DNAH6: variants seen among roughly 807,000 people sequenced by gnomAD.
DNAH6 encodes axonemal beta dynein heavy chain 6.
In DNAH6, 340 loss-of-function variants were observed where a neutral mutation model predicts 491.4. That is an observed-to-expected ratio of 0.69 (90% CI 0.63 to 0.76). The LOEUF (loss-of-function observed/expected upper bound fraction) is 0.76, where lower values mean the gene tolerates loss of function less well. Among genes scored for constraint, DNAH6 ranks in the 30% least tolerant of loss-of-function variants. The pLI is 0.00. For synonymous variants in DNAH6, 1,603 were observed against 1,686.1 expected, an observed-to-expected ratio of 0.95 and a Z score of 1.21; for missense variants, 4,443 against 4,972.2, an observed-to-expected ratio of 0.89 and a Z score of 3.20.
chr2:84,609,514 G>A (rs79240316), intron 21 of DNAH6, among the ~76,000 whole-genome samples: 1,717 of 152,046 alleles, frequency 0.011, 32 homozygotes, highest in African/African-American at 0.04. Flanking sequence ...AAATGAGATG[G>A]GGAACAGGGG....
At chr2:84,688,347 T>C in intron 44 of DNAH6, 92 bp from the exon 45 acceptor site, 1 of 1,084,866 alleles carries the variant, frequency 9.2e-7, no homozygotes. Context: ...AAAATTCCAG[T>C]GTAGCTCTTG....
At chr2:84,632,436 T>C (rs1337522059) in intron 29 of DNAH6, among the ~76,000 whole-genome samples, 1 of 152,120 alleles carries the variant, frequency 6.6e-6, no homozygotes, top group Non-Finnish European at 1.5e-5. Context: ...CAAACGGAAA[T>C]GAAGAACCAC....
intron 18 of DNAH6, among the ~76,000 whole-genome samples, chr2:84,603,383 G>T (rs1422462568): frequency 1.3e-5 from 2 of 152,004 alleles, no homozygotes; most frequent in African/African-American, 4.8e-5. Context: ...ATTTCGGGTG[G>T]GGCTGGTTTA....
At chr2:84,617,026 C>T (rs762885428) in intron 23 of DNAH6, 44 bp downstream of exon 23, 1 of 1,076,862 alleles carries the variant, frequency 9.3e-7, no homozygotes, top group South Asian at 1.7e-5. Context: ...GTAGTTATGA[C>T]TGTCAATCAA....
chr2:84,784,933 G>A (rs112579160), intron 66 of DNAH6, 123 bp downstream of exon 66: 5 of 660,182 alleles, frequency 7.6e-6, no homozygotes, highest in African/African-American at 1.8e-5. Context: ...AGCATGGGGA[G>A]GTGAAGTCAG....
At chr2:84,679,840 T>A (rs918153931) in intron 41 of DNAH6, among the ~76,000 whole-genome samples, 3 of 152,260 alleles carry the variant, frequency 2.0e-5, no homozygotes, top group Admixed American at 6.5e-5. Flanking sequence ...TGGACACAGA[T>A]AATGAAGAGA....
At chr2:84,613,887 T>C (rs1047834397) in intron 22 of DNAH6, among the ~76,000 whole-genome samples, 36 of 152,270 alleles carry the variant, frequency 2.4e-4, no homozygotes, top group African/African-American at 7.5e-4. Context: ...AGCATTCCTT[T>C]ATCAAATAAT....
chr2:84,611,601 C>G (rs959571682), intron 21 of DNAH6, 73 bp from the exon 22 acceptor site: 6 of 1,294,136 alleles, frequency 4.6e-6, no homozygotes, highest in Non-Finnish European at 6.5e-6. Flanking sequence ...TTCCCTGTGT[C>G]ATGATTTTTA....
chr2:84,488,373 T>C, the DNAH6 span, among the ~76,000 whole-genome samples: 2 of 139,826 alleles, frequency 1.4e-5, no homozygotes, highest in Admixed American at 1.4e-4. Flanking sequence ...ACTTAAAGTA[T>C]AATAAAAAAA....
intron 16 of DNAH6, among the ~76,000 whole-genome samples, chr2:84,589,948 A>G (rs1309040154): frequency 6.6e-6 from 1 of 152,096 alleles, no homozygotes; most frequent in Non-Finnish European, 1.5e-5. Context: ...CTTGAACCTC[A>G]CAGGGGAATG....
intron 68 of DNAH6, among the ~76,000 whole-genome samples, chr2:84,787,852 A>G (rs868465118): frequency 2.8e-4 from 42 of 152,206 alleles, no homozygotes; most frequent in African/African-American, 7.5e-4. Flanking sequence ...AACTGTGACT[A>G]CATAGGGATC....
At chr2:84,768,568 A>G (rs944298747) in intron 64 of DNAH6, among the ~76,000 whole-genome samples, 1 of 152,128 alleles carries the variant, frequency 6.6e-6, no homozygotes, top group Non-Finnish European at 1.5e-5. Flanking sequence ...ATTTATTATT[A>G]AAAACCCTCC....
At chr2:84,467,266 C>CT in the DNAH6 span, among the ~76,000 whole-genome samples, 1 of 151,996 alleles carries the variant, frequency 6.6e-6, no homozygotes, top group Non-Finnish European at 1.5e-5. Flanking sequence ...TCCACATTCC[C>CT]ATGCCTTCTT....
intron 29 of DNAH6, among the ~76,000 whole-genome samples, chr2:84,632,007 G>A (rs1039105107): frequency 1.3e-5 from 2 of 152,234 alleles, no homozygotes; most frequent in Non-Finnish European, 2.9e-5. Flanking sequence ...GTTGGAACAA[G>A]TGGTAAACCC....
chr2:84,774,661 T>C (rs182320237), intron 64 of DNAH6, among the ~76,000 whole-genome samples: 2 of 152,272 alleles, frequency 1.3e-5, no homozygotes, highest in Admixed American at 6.5e-5. Flanking sequence ...TTTAACAGTA[T>C]TGATTCTTCA....
In DNAH6 at chr2:84,701,162, A is replaced by G. The variant is rs267599480; in HGVS notation, c.7884A>G (p.Glu2628=). 2.6e-6 allele frequency: 4 copies of G among 1,551,730 alleles called. No individual in the cohort carries two copies. Among genetic ancestry groups the G allele is most frequent in the Non-Finnish European group, 3.5e-6 (4 of 1,146,986 alleles). Residue 2628 remains glutamate, a synonymous_variant, in exon 49 of 77, where the codon GAA becomes GAG. Transcript: ENST00000389394. ...TFFSQVDAGN[E]ELKEKLPLMC... The stretch of plus-strand genomic sequence containing the variant: ...TCTCACAAGTCGATGCTGGAAATGA[A>G]GAACTGAAAGAAAAGCTTCCCTTGA...
At chr2:84,732,234 C>T (rs1699183420) in intron 61 of DNAH6, among the ~76,000 whole-genome samples, 1 of 151,926 alleles carries the variant, frequency 6.6e-6, no homozygotes, top group South Asian at 2.1e-4. Context: ...ATTCAAGACG[C>T]CTGGGCCCAG....
intron 61 of DNAH6, among the ~76,000 whole-genome samples, chr2:84,728,503 T>C (rs1698852653): frequency 6.6e-6 from 1 of 152,230 alleles, no homozygotes; most frequent in African/African-American, 2.4e-5. Flanking sequence ...TCCTCACCTA[T>C]AGAAAAGGAA....
At chr2:84,626,851 C>A (rs11889523) in intron 29 of DNAH6, among the ~76,000 whole-genome samples, 20,977 of 152,134 alleles carry the variant, frequency 0.14, 2,231 homozygotes, top group African/African-American at 0.3. Flanking sequence ...CGTGATCCAC[C>A]CGCTTTGGCC....
Sources: gnomAD v4.1 joint callset for allele counts (sites outside exome capture counted in the v4.1 genomes callset) on GRCh38, gnomAD v4.1.1 for gene constraint, MANE v1.5 for transcripts, NCBI Gene and HGNC (gene_info 2026-07-23, HGNC 2026-07-21) for gene names.